Variants in PRUNE2 observed in about 807,000 individuals in gnomAD.
PRUNE2 encodes prune homolog 2 with BCH domain.
Under a neutral mutation model 252.0 loss-of-function variants are expected in PRUNE2, and 164 were observed. The observed-to-expected ratio is 0.65, with a 90% CI of 0.57 to 0.74. The LOEUF is 0.74. Ranked by LOEUF, PRUNE2 falls within the 30% of genes least tolerant of loss-of-function variation. The pLI, the probability that PRUNE2 is intolerant of heterozygous loss-of-function variation, is 0.00. For synonymous variants in PRUNE2, 1,292 were observed against 1,350.2 expected, an observed-to-expected ratio of 0.96 and a Z score of 0.94; for missense variants, 3,495 against 3,711.0, an observed-to-expected ratio of 0.94 and a Z score of 1.51.
chr9:76,640,695 T>C (rs1316302054), intron 12 of PRUNE2, among the ~76,000 whole-genome samples: 1 of 152,232 alleles, frequency 6.6e-6, no homozygotes, highest in Non-Finnish European at 1.5e-5. Context: ...AATAATTTCA[T>C]TTCTGAAGAT....
chr9:76,744,562 C>T (rs77072252), intron 6 of PRUNE2, among the ~76,000 whole-genome samples: 1 of 152,170 alleles, frequency 6.6e-6, no homozygotes. Context: ...CTACTCTAAA[C>T]CTTGGAGGTG....
chr9:76,879,538 T>C (rs2061642831), intron 1 of PRUNE2, among the ~76,000 whole-genome samples: 1 of 152,014 alleles, frequency 6.6e-6, no homozygotes, highest in African/African-American at 2.4e-5. Context: ...GGAAATAAAC[T>C]AAATAAATGA....
chr9:76,810,612 T>G (rs1047052827), intron 6 of PRUNE2, among the ~76,000 whole-genome samples: 1 of 152,236 alleles, frequency 6.6e-6, no homozygotes, highest in South Asian at 2.1e-4. Context: ...TTAGCAATCA[T>G]GTCAATTAAG....
intron 6 of PRUNE2, among the ~76,000 whole-genome samples, chr9:76,783,111 T>C (rs2054597222): frequency 6.6e-6 from 1 of 152,150 alleles, no homozygotes; most frequent in Admixed American, 6.5e-5. Flanking sequence ...TTGATTAACA[T>C]CAGTTGTATC....
intron 17 of PRUNE2, among the ~76,000 whole-genome samples, chr9:76,621,274 A>G (rs1832210673): frequency 6.6e-6 from 1 of 152,188 alleles, no homozygotes; most frequent in Admixed American, 6.5e-5. Flanking sequence ...ATAGATCTGC[A>G]GTGATCATGT....
At chr9:76,884,636 T>C (rs750980736) in intron 1 of PRUNE2, among the ~76,000 whole-genome samples, 13 of 152,232 alleles carry the variant, frequency 8.5e-5, no homozygotes, top group Non-Finnish European at 1.6e-4. Context: ...TCTCTTTCAT[T>C]TTCTCCTTTC....
intron 4 of PRUNE2, among the ~76,000 whole-genome samples, chr9:76,840,690 T>G (rs529066738): frequency 6.6e-6 from 1 of 152,192 alleles, no homozygotes; most frequent in African/African-American, 2.4e-5. Context: ...TACATAAAAA[T>G]TTGTTCTAGG....
intron 6 of PRUNE2, among the ~76,000 whole-genome samples, chr9:76,796,493 A>G (rs1689565604): frequency 6.6e-6 from 1 of 152,132 alleles, no homozygotes; most frequent in Non-Finnish European, 1.5e-5. Context: ...CACGGCCCCC[A>G]CCACTTCTTC....
chr9:76,635,342 G>C (rs1294438916), intron 15 of PRUNE2, among the ~76,000 whole-genome samples: 6 of 151,914 alleles, frequency 3.9e-5, no homozygotes, highest in Non-Finnish European at 7.4e-5. Flanking sequence ...GGGAAACTAG[G>C]GTGAATCCTG....
At chr9:76,642,802 G>A (rs1272605871) in intron 12 of PRUNE2, among the ~76,000 whole-genome samples, 1 of 152,178 alleles carries the variant, frequency 6.6e-6, no homozygotes, top group Non-Finnish European at 1.5e-5. Flanking sequence ...GAGCACAAAA[G>A]CTGTTCAGGG....
intron 6 of PRUNE2, chr9:76,788,260 A>T: frequency 1.8e-6 from 1 of 556,980 alleles, no homozygotes. Flanking sequence ...AGCAACCATC[A>T]GATGTTAACT....
intron 1 of PRUNE2, among the ~76,000 whole-genome samples, chr9:76,891,180 T>G (rs2133494039): frequency 6.6e-6 from 1 of 152,340 alleles, no homozygotes; most frequent in African/African-American, 2.4e-5. Context: ...TTTAGGCTTT[T>G]GGGCAGTTAA....
At chr9:76,625,153 GAAAATGCCTATCCAGAT>G in intron 16 of PRUNE2, 1 of 789,034 alleles carries the variant, frequency 1.3e-6, no homozygotes, top group Non-Finnish European at 1.9e-6. Flanking sequence ...AATCATGAGA[GAAAATGCCTATCCAGAT>G]ACAGTCATGC....
chr9:76,870,414 G>A (rs958344072), intron 1 of PRUNE2, among the ~76,000 whole-genome samples: 8 of 151,868 alleles, frequency 5.3e-5, no homozygotes, highest in Non-Finnish European at 7.4e-5. Flanking sequence ...GGCCGGGTGC[G>A]GTGGCTCCCG....
intron 12 of PRUNE2, chr9:76,641,847 G>T: frequency 1.7e-6 from 2 of 1,190,286 alleles, no homozygotes; most frequent in Non-Finnish European, 2.3e-6. Flanking sequence ...GCCAGCAATG[G>T]AATGGAGACA....
chr9:76,625,058 C>A, intron 16 of PRUNE2: 1 of 1,302,950 alleles, frequency 7.7e-7, no homozygotes, highest in Non-Finnish European at 1.0e-6. Flanking sequence ...CTTCATCGTA[C>A]CTTACAAGAT....
At chr9:76,764,896 T>C (rs940480260) in intron 6 of PRUNE2, among the ~76,000 whole-genome samples, 1 of 152,310 alleles carries the variant, frequency 6.6e-6, no homozygotes, top group Non-Finnish European at 1.5e-5. Context: ...CCCCAATGTC[T>C]ACAACAGACT....
intron 6 of PRUNE2, among the ~76,000 whole-genome samples, chr9:76,800,802 T>C (rs2131562636): frequency 6.6e-6 from 1 of 152,342 alleles, no homozygotes; most frequent in Non-Finnish European, 1.5e-5. Context: ...TTGAATTGTG[T>C]GCATACGCTG....
At chr9:76,794,127 G>C (rs2055820411) in intron 6 of PRUNE2, among the ~76,000 whole-genome samples, 2 of 152,176 alleles carry the variant, frequency 1.3e-5, no homozygotes, top group South Asian at 4.1e-4. Flanking sequence ...GAACTACTGA[G>C]AATTTTACCT....
Sources: gnomAD v4.1 joint callset for allele counts (sites outside exome capture counted in the v4.1 genomes callset) on GRCh38, gnomAD v4.1.1 for gene constraint, MANE v1.5 for transcripts, NCBI Gene and HGNC (gene_info 2026-07-23, HGNC 2026-07-21) for gene names.